Variants in KALRN observed in about 807,000 individuals in gnomAD.
KALRN encodes the protein kalirin.
A neutral mutation model predicts 353.7 loss-of-function variants in KALRN; 70 were observed. The observed-to-expected ratio is 0.20, with a 90% confidence interval of 0.16 to 0.24. The LOEUF (loss-of-function observed/expected upper bound fraction) is 0.24, where lower values mean the gene tolerates loss of function less well. Among genes scored for constraint, KALRN ranks in the 10% least tolerant of loss-of-function variants. KALRN has a pLI of 1.00. For synonymous variants in KALRN, 1,391 were observed against 1,434.8 expected (o/e 0.97, Z 0.69); for missense variants, 2,791 against 3,756.7 (o/e 0.74, Z 6.72).
chr3:124,146,890 A>AAAAAAG (rs1441074306), intron 1 of KALRN, among the ~76,000 whole-genome samples: 1 of 150,510 alleles, frequency 6.6e-6, no homozygotes, highest in Non-Finnish European at 1.5e-5. Context: ...AAAAAAAAAA[A>AAAAAAG]AAAAGAAAAG....
chr3:124,390,139 C>T (rs2089128708), intron 11 of KALRN, among the ~76,000 whole-genome samples: 1 of 152,202 alleles, frequency 6.6e-6, no homozygotes, highest in Admixed American at 6.5e-5. Flanking sequence ...CCCGAGTCCT[C>T]ATTCTTTTTG....
intron 34 of KALRN, among the ~76,000 whole-genome samples, chr3:124,579,379 T>C (rs1347701486): frequency 1.3e-5 from 2 of 152,232 alleles, no homozygotes; most frequent in African/African-American, 4.8e-5. Context: ...GCTGCAGGTA[T>C]CACTGAAGAC....
At chr3:124,568,506 A>G (rs149334495) in intron 34 of KALRN, among the ~76,000 whole-genome samples, 2 of 152,382 alleles carry the variant, frequency 1.3e-5, no homozygotes, top group East Asian at 3.9e-4. Flanking sequence ...ATCTGAGTAT[A>G]TATCCAAAGG....
intron 1 of KALRN, among the ~76,000 whole-genome samples, chr3:124,161,039 C>T (rs1254354862): frequency 6.6e-6 from 1 of 152,108 alleles, no homozygotes; most frequent in Non-Finnish European, 1.5e-5. Flanking sequence ...CTAGAGATGG[C>T]TGGTGGTGAT....
In KALRN at chr3:124,122,763, TC is replaced by T. The variant is rs1178653547; in HGVS notation, c.73+88953del. 4.6e-5 allele frequency among the ~76,000 whole-genome samples: 7 copies of T among 152,250 alleles called. No homozygotes were observed. In the East Asian group the frequency reaches 1.4e-3, roughly 29 times the overall value. On this transcript the variant is annotated intron_variant, in intron 1 of 59. Coordinates refer to ENST00000682506, the MANE Select transcript of KALRN (RefSeq NM_001388419.1). ...TCCCTCTCTTCTCAGGCCTCTTTAT[TC>T]CCTGAGACGCAATAATATTGAAATT...
At chr3:124,624,059 A>T (rs979368312) in intron 34 of KALRN, among the ~76,000 whole-genome samples, 1 of 152,330 alleles carries the variant, frequency 6.6e-6, no homozygotes. Context: ...AGAAATAAAC[A>T]GTTCATAAGT....
At chr3:124,713,270 TC>T in intron 58 of KALRN, 135 bp downstream of exon 58, 8 of 551,892 alleles carry the variant, frequency 1.4e-5, no homozygotes. Context: ...ACATGCACTC[TC>T]TCCCCCATTT....
intron 1 of KALRN, among the ~76,000 whole-genome samples, chr3:124,222,019 G>A (rs995536981): frequency 1.3e-5 from 2 of 152,150 alleles, no homozygotes; most frequent in African/African-American, 4.8e-5. Context: ...ACCTGTGAGT[G>A]GGGGTGCAGG....
intron 33 of KALRN, among the ~76,000 whole-genome samples, chr3:124,536,965 A>T (rs1448507079): frequency 1.3e-5 from 2 of 152,234 alleles, no homozygotes; most frequent in African/African-American, 4.8e-5. Flanking sequence ...GAAGTTTCAA[A>T]TTTATGATGA....
At chr3:124,367,562 C>T (rs1180124438) in intron 10 of KALRN, among the ~76,000 whole-genome samples, 3 of 63,560 alleles carry the variant, frequency 4.7e-5, no homozygotes, top group Non-Finnish European at 6.0e-5. Context: ...GGCAGAGGGG[C>T]TCCTCACTTC....
intron 35 of KALRN, 68 bp from the exon 36 acceptor site, chr3:124,633,784 A>T: frequency 7.4e-7 from 1 of 1,348,544 alleles, no homozygotes; most frequent in Non-Finnish European, 1.0e-6. Flanking sequence ...TATTTTTGTT[A>T]ATGTCAAGTC....
intron 1 of KALRN, among the ~76,000 whole-genome samples, chr3:124,122,452 T>C (rs1211440679): frequency 6.6e-6 from 1 of 152,234 alleles, no homozygotes; most frequent in African/African-American, 2.4e-5. Context: ...AGATATTGCA[T>C]GTTTTGCAAA....
rs1209455033 is a variant in KALRN, at chr3:124,719,032, G to A, written c.8523G>A (p.Leu2841=). The change falls in exon 60 of 60, where the codon CTG becomes CTA. Residue 2841 remains leucine, a synonymous_variant. Transcript: ENST00000682506. The surrounding 1 kb of genome is among the most constrained non-coding windows in gnomAD (Gnocchi z 5.3). The part of the protein sequence containing the change: ...ISGHFHIHHL[L]GNPEFAAPEV... ...GTCACTTCCACATTCACCACCTGCT[G>A]GGGAACCCTGAGTTTGCTGCCCCAG... 3 of 1,614,052 alleles carry A rather than the reference G, an allele frequency of 1.9e-6. No homozygotes were observed. The Admixed American group carries it at 5.0e-5, about 27-fold the overall frequency.
chr3:124,273,038 AG>A (rs2074330139), intron 5 of KALRN, among the ~76,000 whole-genome samples: 1 of 152,222 alleles, frequency 6.6e-6, no homozygotes, highest in African/African-American at 2.4e-5. Flanking sequence ...GTCTGGTGAT[AG>A]TTCAGCCTCT....
rs1579108371 is a variant in KALRN at position 124,720,151 on chromosome 3, C to T, written c.*681C>T. 6.5e-6 allele frequency: 1 copy of T among 152,680 alleles called. No individual in the cohort carries two copies. Among genetic ancestry groups the T allele is most frequent in the Non-Finnish European group, 1.5e-5 (1 of 68,012 alleles). 9.5% of individuals were successfully genotyped at this position (152,680 alleles called of 1,614,324 possible). A position where few individuals can be genotyped will look rare whatever the true frequency, so the allele number is the denominator to read the frequency against. On this transcript the variant is annotated 3_prime_UTR_variant, in exon 60 of 60. Transcript: ENST00000682506. ...TAGAAATCTTTTACCAGAACCTGTG[C>T]ATTAAGAGAAAGCAATGTTGCCCTT...
chr3:124,495,994 T>TATATATAC (rs2063763855), intron 32 of KALRN, among the ~76,000 whole-genome samples: 1 of 57,498 alleles, frequency 1.7e-5, no homozygotes. Flanking sequence ...TATATATATA[T>TATATATAC]ATATATATAT....
intron 1 of KALRN, among the ~76,000 whole-genome samples, chr3:124,098,948 A>C (rs868616850): frequency 6.6e-6 from 1 of 152,238 alleles, no homozygotes; most frequent in African/African-American, 2.4e-5. Flanking sequence ...TGATATGCTG[A>C]ATTAGGCTTC....
intron 1 of KALRN, among the ~76,000 whole-genome samples, chr3:124,155,365 C>T (rs1242851588): frequency 6.6e-6 from 1 of 152,146 alleles, no homozygotes; most frequent in East Asian, 1.9e-4. Flanking sequence ...ATCACAATGT[C>T]ACCTTTGTCT....
At chr3:124,221,742 G>A (rs1479119387) in intron 1 of KALRN, among the ~76,000 whole-genome samples, 6 of 152,184 alleles carry the variant, frequency 3.9e-5, no homozygotes, top group Admixed American at 3.9e-4. Flanking sequence ...ATACAGGATG[G>A]TCAGATTGGG....
Sources: allele counts gnomAD v4.1 joint callset (sites outside exome capture counted in the v4.1 genomes callset), GRCh38; gene constraint gnomAD v4.1.1; non-coding constraint Gnocchi (gnomAD v3.1); transcripts MANE v1.5; gene names NCBI Gene and HGNC (gene_info 2026-07-23, HGNC 2026-07-21).